The following PDLIM1 variants were observed in gnomAD, a reference collection of about 807,000 sequenced individuals.
The protein encoded by PDLIM1 is PDZ and LIM domain protein 1.
In PDLIM1, 25 loss-of-function variants were observed where a neutral mutation model predicts 35.2. That is an observed-to-expected ratio of 0.71 (90% CI 0.52 to 0.99). The LOEUF is 0.99. Among genes scored for constraint, PDLIM1 ranks in the 50% least tolerant of loss-of-function variants. The pLI is 0.00. For missense variants in PDLIM1, 363 were observed against 415.3 expected (o/e 0.87, Z 1.09); for synonymous variants, 152 against 154.0 (o/e 0.99, Z 0.10).
chr10:95,242,264 C>T (rs1032471683), intron 5 of PDLIM1, among the ~76,000 whole-genome samples: 5 of 152,188 alleles, frequency 3.3e-5, no homozygotes, highest in African/African-American at 1.2e-4. Context: ...GCCTTCCTCC[C>T]TTCCTTTGGG....
chr10:95,269,005 C>CA (rs2035439648), intron 2 of PDLIM1, 143 bp from the exon 3 acceptor site: 1 of 638,904 alleles, frequency 1.6e-6, no homozygotes, highest in South Asian at 1.8e-5. Context: ...CATTTGCCAC[C>CA]AGGTTGATCT....
Position 95,256,982 on chromosome 10 carries a change from A to AGAAAGAAAGAAAGAAAG in PDLIM1, c.533+6881_533+6882insCTTTCTTTCTTTCTTTC, listed in dbSNP as rs1430334300. Among the ~76,000 whole-genome samples, 8 of 31,040 alleles carry AGAAAGAAAGAAAGAAAG rather than the reference A, an allele frequency of 2.6e-4. No homozygotes were observed. In the East Asian group the frequency reaches 6.4e-3, roughly 25 times the overall value. 20.4% of individuals were successfully genotyped at this position (31,040 alleles called of 152,430 possible). A position where few individuals can be genotyped will look rare whatever the true frequency, so the allele number is the denominator to read the frequency against. The stretch of plus-strand genomic sequence containing the variant: ...AGAATGAGACTTCATCTTAAAAAAA[A>AGAAAGAAAGAAAGAAAG]AAAAAAAGAAAGAAAGAAAGAAAGA... On this transcript the variant is annotated intron_variant, in intron 4 of 6. Transcript: ENST00000329399.
At position 95,244,508 on chromosome 10, in the gene PDLIM1, C is replaced by T. The variant is rs538066669; in HGVS notation, c.685+2707G>A. On this transcript the variant is annotated intron_variant, in intron 5 of 6. Coordinates refer to ENST00000329399, the MANE Select transcript of PDLIM1 (RefSeq NM_020992.4). ...GGATGCCAGTGCTCTTTCTGCCCTG[C>T]AGCACTGCTTTCTGAACCAGAGGCG... Among the ~76,000 whole-genome samples, 3 of 152,352 alleles carry T rather than the reference C, an allele frequency of 2.0e-5. No individual in the cohort carries two copies. In the South Asian group the frequency reaches 6.2e-4, roughly 32 times the overall value.
At chr10:95,241,673 G>T (rs539628748) in intron 5 of PDLIM1, among the ~76,000 whole-genome samples, 1 of 152,310 alleles carries the variant, frequency 6.6e-6, no homozygotes, top group South Asian at 2.1e-4. Context: ...TTTAGCCAAC[G>T]TGAGCAGATG....
In PDLIM1 at chr10:95,290,318, G is replaced by C. The variant is rs45585038; in HGVS notation, c.96+502C>G. Among the ~76,000 whole-genome samples, 309 of 152,228 alleles carry C rather than the reference G, an allele frequency of 2.0e-3. 3 individuals are homozygous for C. The highest frequency in any genetic ancestry group is 3.5e-3 in the Non-Finnish European group (240 of 68,012). ...ATTCGAGGGGCGAGCCTCGGCCGTG[G>C]GTCAAGTCCAAAGAGCGTGTTTCGG... On this transcript the variant is annotated intron_variant, in intron 1 of 6. Transcript: ENST00000329399. The surrounding 1 kb of genome is among the most constrained non-coding windows in gnomAD (Gnocchi z 4.7).
At chr10:95,284,376 G>A (rs1424105753) in intron 1 of PDLIM1, among the ~76,000 whole-genome samples, 2 of 151,178 alleles carry the variant, frequency 1.3e-5, no homozygotes, top group Non-Finnish European at 2.9e-5. Context: ...TTTTCTAGAT[G>A]GAGTTTCGCT....
intron 4 of PDLIM1, among the ~76,000 whole-genome samples, chr10:95,258,901 C>A (rs924270213): frequency 1.3e-5 from 2 of 151,882 alleles, no homozygotes; most frequent in Non-Finnish European, 2.9e-5. Flanking sequence ...GATACAAAAA[C>A]CTAAATAAAT....
intron 3 of PDLIM1, among the ~76,000 whole-genome samples, chr10:95,266,035 C>T (rs578017484): frequency 2.0e-5 from 3 of 152,066 alleles, no homozygotes; most frequent in Admixed American, 2.0e-4. Flanking sequence ...CTCGTTTCTA[C>T]TAAAATATAA....
chr10:95,282,411 G>A (rs1313835917), intron 1 of PDLIM1, among the ~76,000 whole-genome samples: 1 of 152,166 alleles, frequency 6.6e-6, no homozygotes, highest in Non-Finnish European at 1.5e-5. Flanking sequence ...TTCTTGGTTA[G>A]TCTATAACCA....
In PDLIM1 at chr10:95,237,775, A is replaced by G. The variant is rs575685446; in HGVS notation, c.*150T>C. 2 of 640,278 alleles carry G rather than the reference A, an allele frequency of 3.1e-6. No homozygotes were observed. Among genetic ancestry groups the G allele is most frequent in the African/African-American group, 1.8e-5 (1 of 54,676 alleles). The allele number at this position is 640,278 out of a possible 1,614,324, so 39.7% of individuals were successfully genotyped here. ...GGCATCGCACAGCTGGTGTGAGTCA[A>G]TTAACCAAGGCAGGGAGGGGACTCA... On this transcript the variant is annotated 3_prime_UTR_variant, in exon 7 of 7. Transcript: ENST00000329399.
chr10:95,290,574 CTTCT>C lies in PDLIM1; in HGVS notation c.96+242_96+245del, dbSNP rs967704901. On this transcript the variant is annotated intron_variant, in intron 1 of 6. Coordinates refer to ENST00000329399, the MANE Select transcript of PDLIM1 (RefSeq NM_020992.4). This position sits in a 1 kb window ranked among gnomAD's most constrained non-coding sequence, Gnocchi z 4.7. ...TCCGGGGCCAAAGAACGAAAACTGCCTTCTTTTTTTCTGGCGGACACGGAGCGCG... is the reference window on the plus strand; with the variant it reads ...TCCGGGGCCAAAGAACGAAAACTGCCTTTTTTCTGGCGGACACGGAGCGCG... 1.3e-5 allele frequency among the ~76,000 whole-genome samples: 2 copies of C among 152,140 alleles called. No individual in the cohort carries two copies. Among genetic ancestry groups the C allele is most frequent in the African/African-American group, 4.8e-5 (2 of 41,452 alleles).
intron 1 of PDLIM1, among the ~76,000 whole-genome samples, chr10:95,281,053 T>G (rs2035556818): frequency 6.6e-6 from 1 of 152,196 alleles, no homozygotes; most frequent in Non-Finnish European, 1.5e-5. Flanking sequence ...TCATCAGGTT[T>G]GGAAACACCA....
At chr10:95,258,441 G>A (rs1193112017) in intron 4 of PDLIM1, among the ~76,000 whole-genome samples, 1 of 152,046 alleles carries the variant, frequency 6.6e-6, no homozygotes, top group Non-Finnish European at 1.5e-5. Flanking sequence ...GGCAGAGTTT[G>A]TAGTAAGCCA....
intron 2 of PDLIM1, among the ~76,000 whole-genome samples, chr10:95,270,588 G>A (rs1248779435): frequency 6.6e-6 from 1 of 152,064 alleles, no homozygotes; most frequent in Non-Finnish European, 1.5e-5. Context: ...AGCTCCCAAG[G>A]TGCTACCCTC....
intron 1 of PDLIM1, among the ~76,000 whole-genome samples, chr10:95,284,469 T>C (rs2035585649): frequency 6.6e-6 from 1 of 152,254 alleles, no homozygotes; most frequent in South Asian, 2.1e-4. Context: ...TTCTCCTGCC[T>C]CAGCCTCTTG....
Position 95,290,586 on chromosome 10 carries a change from T to A in PDLIM1, c.96+234A>T, listed in dbSNP as rs1233826661. Among the ~76,000 whole-genome samples the A allele has an allele frequency of 6.6e-6, 1 of 152,044 alleles. No homozygotes were observed. The highest frequency in any genetic ancestry group is 1.5e-5 in the Non-Finnish European group (1 of 67,960). The stretch of plus-strand genomic sequence containing the variant: ...GAACGAAAACTGCCTTCTTTTTTTC[T>A]GGCGGACACGGAGCGCGCCCGCGGC... On this transcript the variant is annotated intron_variant, in intron 1 of 6. Coordinates refer to ENST00000329399, the MANE Select transcript of PDLIM1 (RefSeq NM_020992.4). The surrounding 1 kb of genome is among the most constrained non-coding windows in gnomAD (Gnocchi z 4.7).
chr10:95,266,193 T>A (rs2035415674), intron 3 of PDLIM1, among the ~76,000 whole-genome samples: 1 of 151,894 alleles, frequency 6.6e-6, no homozygotes, highest in Non-Finnish European at 1.5e-5. Flanking sequence ...CAAGACTCCA[T>A]CTCACAAATA....
intron 4 of PDLIM1, among the ~76,000 whole-genome samples, chr10:95,255,324 T>TAAAAAA (rs56689408): frequency 9.7e-6 from 1 of 102,906 alleles, no homozygotes; most frequent in African/African-American, 4.1e-5. Context: ...CCAAAGATAC[T>TAAAAAA]AAAAAAAAAA....
intron 5 of PDLIM1, among the ~76,000 whole-genome samples, chr10:95,239,329 A>G (rs1351306273): frequency 6.6e-6 from 1 of 152,244 alleles, no homozygotes; most frequent in Non-Finnish European, 1.5e-5. Context: ...CAATTGTAAC[A>G]AAAGCAAAAA....
Sources: allele counts gnomAD v4.1 joint callset (sites outside exome capture counted in the v4.1 genomes callset), GRCh38; gene constraint gnomAD v4.1.1; non-coding constraint Gnocchi (gnomAD v3.1); transcripts MANE v1.5; gene names NCBI Gene and HGNC (gene_info 2026-07-23, HGNC 2026-07-21).